Variants in DOCK8 observed in about 807,000 individuals in gnomAD.
The protein encoded by DOCK8 is dedicator of cytokinesis protein 8.
A neutral mutation model predicts 245.6 loss-of-function variants in DOCK8; 141 were observed. That is an observed-to-expected ratio of 0.57 (90% confidence interval 0.50 to 0.66). The LOEUF is 0.66. DOCK8 is among the 30% of genes least tolerant of loss of function. The pLI is 0.00. For synonymous variants in DOCK8, 1,168 were observed against 970.2 expected (o/e 1.20, Z -3.79); for missense variants, 2,965 against 2,603.4 (o/e 1.14, Z -3.02).
upstream of DOCK8, among the ~76,000 whole-genome samples, chr9:211,263 G>C (rs1206169753): frequency 6.6e-6 from 1 of 152,088 alleles, no homozygotes; most frequent in Non-Finnish European, 1.5e-5. Flanking sequence ...GGGCAGACAG[G>C]AGCACCGCCT....
intron 7 of DOCK8, 84 bp downstream of exon 7, chr9:317,212 G>C: frequency 8.7e-7 from 1 of 1,148,544 alleles, no homozygotes. Context: ...ATCAGAGCTT[G>C]AATCAAAGCG....
intron 1 of DOCK8, among the ~76,000 whole-genome samples, chr9:270,842 C>T (rs2048144616): frequency 6.6e-6 from 1 of 152,138 alleles, no homozygotes; most frequent in Non-Finnish European, 1.5e-5. Flanking sequence ...GTGAACTAGC[C>T]TGAGAATCCA....
rs1271643889 is a variant in DOCK8, at chr9:400,916, T to A, written c.3234+1657T>A. Among the ~76,000 whole-genome samples the A allele has an allele frequency of 2.5e-4, 10 of 39,962 alleles. No individual in the cohort carries two copies. In the South Asian group the frequency reaches 5.5e-3, roughly 22 times the overall value. The allele number at this position is 39,962 out of a possible 152,430, so 26.2% of individuals were successfully genotyped here. On this transcript the variant is annotated intron_variant, in intron 26 of 47. Transcript: ENST00000432829. ...CACCTCCCCCACTACCAACAGCTCC[T>A]TCACCATCACCACAACATCCACCAC... is the stretch of plus-strand genomic sequence containing the variant.
In DOCK8 at chr9:439,298, A is replaced by G; in HGVS notation, c.5133A>G (p.Ser1711=). The change falls in exon 40 of 48, where the codon TCA becomes TCG. Residue 1711 remains serine (S), a synonymous_variant. Coordinates refer to ENST00000432829, the MANE Select transcript of DOCK8 (RefSeq NM_203447.4). ...CTGTGGTCTCTGAGGACACCCTGTC[A>G]CCTGACGAGGATGGGGTGTGCGCAG... ...EESVVSEDTL[S]PDEDGVCAGQ... is the part of the protein sequence containing the mutation. 1 of 1,614,106 alleles carries G rather than the reference A, an allele frequency of 6.2e-7. No individual in the cohort carries two copies.
chr9:449,797 C>T lies in DOCK8; in HGVS notation c.5831C>T (p.Pro1944Leu), dbSNP rs775779897. ...VIQKEEFVLTPIEVAIEDMKK... is the reference protein window; with the variant it reads ...VIQKEEFVLTLIEVAIEDMKK... ...TCTCATGTTCAGTTTGTTTTGACAC[C>T]GATTGAAGTTGCCATTGAAGACATG... The change falls in exon 45 of 48, where the codon CCG becomes CTG. Residue 1944 changes from proline (P) to leucine (L), a missense_variant. By Grantham distance (98) the Pro-to-Leu change is moderately conservative. Coordinates refer to ENST00000432829, the MANE Select transcript of DOCK8 (RefSeq NM_203447.4). The T allele has an allele frequency of 1.9e-6, 3 of 1,612,794 alleles. No individual in the cohort carries two copies. Among genetic ancestry groups the T allele is most frequent in the Non-Finnish European group, 2.5e-6 (3 of 1,179,986 alleles).
intron 37 of DOCK8, 125 bp downstream of exon 37, chr9:432,449 C>T (rs1457420719): frequency 1.1e-6 from 1 of 948,296 alleles, no homozygotes; most frequent in South Asian, 1.7e-5. Flanking sequence ...TATTTATTGT[C>T]CAATATGCAT....
Position 304,623 on chromosome 9 carries a change from A to G in DOCK8, c.447A>G (p.Gly149=), listed in dbSNP as rs763034264. 4 of 1,614,208 alleles carry G rather than the reference A, an allele frequency of 2.5e-6. No homozygotes were observed. The highest frequency in any genetic ancestry group is 1.7e-5 in the Admixed American group (1 of 60,028). ...SPEICGFKKT[G]SRKDFHKTLP... ...AAATCTGTGGCTTTAAAAAGACTGGATCTCGAAAAGATTTTCACAAGACGC... is the reference window on the plus strand; with the variant it reads ...AAATCTGTGGCTTTAAAAAGACTGGGTCTCGAAAAGATTTTCACAAGACGC... The change falls in exon 5 of 48, where the codon GGA becomes GGG. Residue 149 remains glycine, a synonymous_variant. Coordinates refer to ENST00000432829, the MANE Select transcript of DOCK8 (RefSeq NM_203447.4).
rs1270654497 is a variant in DOCK8, at chr9:334,338, T to C, written c.1239T>C (p.Asn413=). 6.2e-7 allele frequency: 1 copy of C among 1,614,080 alleles called. No individual in the cohort carries two copies. The highest frequency in any genetic ancestry group is 8.5e-7 in the Non-Finnish European group (1 of 1,180,014). ...CCATAAGCTTATCAAGCTTCTTCAA[T>C]GTCTCCACCCTTGAGAGGGAGGTAA... ...WAPISLSSFF[N]VSTLEREVTD... is the part of the protein sequence containing the mutation. The change falls in exon 11 of 48, where the codon AAT becomes AAC. Residue 413 remains asparagine, a synonymous_variant. Coordinates refer to ENST00000432829, the MANE Select transcript of DOCK8 (RefSeq NM_203447.4).
intron 1 of DOCK8, among the ~76,000 whole-genome samples, chr9:246,454 G>T (rs766009480): frequency 1.4e-4 from 21 of 152,154 alleles, no homozygotes; most frequent in Non-Finnish European, 2.6e-4. Context: ...CATCAAAACT[G>T]CAGTGAGCTA....
Position 386,344 on chromosome 9 carries a change from A to C in DOCK8, c.2792A>C (p.Asn931Thr), listed in dbSNP as rs773027031. 2 of 1,613,880 alleles carry C rather than the reference A, an allele frequency of 1.2e-6. No individual in the cohort carries two copies. Among genetic ancestry groups the C allele is most frequent in the Non-Finnish European group, 1.7e-6 (2 of 1,179,828 alleles). The change falls in exon 23 of 48, where the codon AAC becomes ACC. Residue 931 changes from asparagine to threonine, a missense_variant. Asn to Thr is a moderately conservative substitution (Grantham distance 65). Around this residue, in one of 3 missense-constraint regions of DOCK8, gnomAD observed 2,825 missense variants for 2,453.5 expected, o/e 1.15. Coordinates refer to ENST00000432829, the MANE Select transcript of DOCK8 (RefSeq NM_203447.4). Reference protein sequence around the residue: ...NIMSSKIADRNCSRMSYYCSG... With the variant: ...NIMSSKIADRTCSRMSYYCSG... Reference sequence around the variant, plus strand: ...TGTGTATTTTAGATCGCCGATCGCAACTGCAGCCGAATGTCTTACTATTGC... The same window carrying C: ...TGTGTATTTTAGATCGCCGATCGCACCTGCAGCCGAATGTCTTACTATTGC...
At chr9:305,979 C>T (rs981325810) in intron 5 of DOCK8, among the ~76,000 whole-genome samples, 1 of 151,962 alleles carries the variant, frequency 6.6e-6, no homozygotes, top group Non-Finnish European at 1.5e-5. Flanking sequence ...TTTCGGCATC[C>T]CAAGATGAAC....
chr9:288,431 C>G (rs964918100), intron 3 of DOCK8, among the ~76,000 whole-genome samples: 11 of 152,190 alleles, frequency 7.2e-5, no homozygotes, highest in Non-Finnish European at 1.3e-4. Context: ...TCTCATTTTT[C>G]TGCAAAGTGA....
At chr9:286,952 G>A (rs919100896) in intron 3 of DOCK8, among the ~76,000 whole-genome samples, 5 of 152,172 alleles carry the variant, frequency 3.3e-5, no homozygotes, top group African/African-American at 4.8e-5. Flanking sequence ...CAGTGACCTT[G>A]GCTGTCACAT....
chr9:400,183 T>A (rs867019032), intron 26 of DOCK8, among the ~76,000 whole-genome samples: 2,650 of 52,570 alleles, frequency 0.05, 14 homozygotes, highest in Middle Eastern at 0.16. Flanking sequence ...CATCACCACC[T>A]CCTTCACCAT....
intron 2 of DOCK8, among the ~76,000 whole-genome samples, chr9:277,731 C>G (rs1388302008): frequency 6.6e-6 from 1 of 152,048 alleles, no homozygotes; most frequent in Non-Finnish European, 1.5e-5. Context: ...AATGAATTAG[C>G]TGGACCATAA....
At chr9:390,417 G>A (rs2054139141) in intron 23 of DOCK8, 54 bp from the exon 24 acceptor site, 16 of 1,497,926 alleles carry the variant, frequency 1.1e-5, no homozygotes, top group Non-Finnish European at 1.5e-5. Flanking sequence ...AAAAAGTGTT[G>A]GTGAATAATA....
intron 4 of DOCK8, among the ~76,000 whole-genome samples, chr9:297,092 G>A (rs977267299): frequency 6.6e-6 from 1 of 152,080 alleles, no homozygotes; most frequent in African/African-American, 2.4e-5. Context: ...GCACCAAATT[G>A]TACAGGAAGG....
chr9:340,229 C>A lies in DOCK8; in HGVS notation c.1587C>A (p.Pro529=). Residue 529 remains proline (P), a synonymous_variant, in exon 14 of 48, where the codon CCC becomes CCA. Coordinates refer to ENST00000432829, the MANE Select transcript of DOCK8 (RefSeq NM_203447.4). ...GCTGTCTGACTCCTGAAATGCTGCCCGTGAAACCCTTTCCTGAAAACCGGA... is the reference window on the plus strand; with the variant it reads ...GCTGTCTGACTCCTGAAATGCTGCCAGTGAAACCCTTTCCTGAAAACCGGA... The part of the protein sequence containing the change: ...INCCLTPEML[P]VKPFPENRTR... 1 of 1,614,102 alleles carries A rather than the reference C, an allele frequency of 6.2e-7. No homozygotes were observed. The highest frequency in any genetic ancestry group is 2.2e-5 in the East Asian group (1 of 44,878).
At chr9:439,621 A>C (rs1435577936) in intron 40 of DOCK8, among the ~76,000 whole-genome samples, 1 of 152,208 alleles carries the variant, frequency 6.6e-6, no homozygotes, top group East Asian at 1.9e-4. Flanking sequence ...GCTTCACTGT[A>C]TGCTCATTGG....
Sources: allele counts gnomAD v4.1 joint callset (sites outside exome capture counted in the v4.1 genomes callset), GRCh38; gene constraint gnomAD v4.1.1; regional missense constraint gnomAD v4.1.1; transcripts MANE v1.5; gene names NCBI Gene and HGNC (gene_info 2026-07-23, HGNC 2026-07-21).